PTAR1: variants seen among roughly 807,000 people sequenced by gnomAD.
PTAR1 encodes protein prenyltransferase alpha subunit repeat-containing protein 1.
In PTAR1, 17 loss-of-function variants were observed where a neutral mutation model predicts 45.5. That is an observed-to-expected ratio of 0.37 (90% CI 0.26 to 0.56). The LOEUF is 0.56. Among genes scored for constraint, PTAR1 ranks in the 20% least tolerant of loss-of-function variants. The pLI is 0.77. For missense variants in PTAR1, 391 were observed against 476.3 expected, an observed-to-expected ratio of 0.82 and a Z score of 1.67; for synonymous variants, 169 against 171.3, an observed-to-expected ratio of 0.99 and a Z score of 0.11.
intron 2 of PTAR1, among the ~76,000 whole-genome samples, chr9:69,747,923 C>T (rs1326577475): frequency 2.6e-5 from 4 of 152,092 alleles, no homozygotes; most frequent in Non-Finnish European, 5.9e-5. Flanking sequence ...TAAGGAGTTT[C>T]GACTCTACGT....
intron 6 of PTAR1, among the ~76,000 whole-genome samples, chr9:69,722,546 T>A (rs1029885555): frequency 6.6e-6 from 1 of 151,954 alleles, no homozygotes; most frequent in African/African-American, 2.4e-5. Flanking sequence ...TTGCAGACCA[T>A]CAGGGTTGGA....
At chr9:69,730,006 T>C (rs1246274685) in intron 5 of PTAR1, among the ~76,000 whole-genome samples, 3 of 152,192 alleles carry the variant, frequency 2.0e-5, no homozygotes, top group East Asian at 1.9e-4. Flanking sequence ...TCATTTCATA[T>C]ATATTTTTAA....
chr9:69,733,554 C>T (rs75727624), intron 4 of PTAR1, among the ~76,000 whole-genome samples: 10,822 of 152,122 alleles, frequency 0.071, 520 homozygotes, highest in Non-Finnish European at 0.1. Flanking sequence ...TTTTGAGAGT[C>T]CTAAAGTGCA....
At chr9:69,727,899 C>A (rs1278244625) in intron 5 of PTAR1, among the ~76,000 whole-genome samples, 1 of 152,062 alleles carries the variant, frequency 6.6e-6, no homozygotes, top group East Asian at 1.9e-4. Flanking sequence ...AATTGTGCAA[C>A]CATTGCTCTT....
Position 69,739,322 on chromosome 9 carries a change from T to C in PTAR1, c.323+2470A>G, listed in dbSNP as rs540431379. Among the ~76,000 whole-genome samples the C allele has an allele frequency of 2.8e-4, 43 of 151,362 alleles. No individual in the cohort carries two copies. The South Asian group carries it at 4.8e-3, about 17-fold the overall frequency. ...AGGTGTTTTGCTTACTCTAAGTACA[T>C]AGACTGATGAAGAAAATAGGACATT... On this transcript the variant is annotated intron_variant, in intron 3 of 7. Coordinates refer to ENST00000340434, the MANE Select transcript of PTAR1 (RefSeq NM_001099666.2).
At position 69,715,069 on chromosome 9, in the gene PTAR1, A is replaced by T. The variant is rs1187267822; in HGVS notation, c.*3273T>A. 1 of 152,074 alleles carries T rather than the reference A, an allele frequency of 6.6e-6. No homozygotes were observed. Among genetic ancestry groups the T allele is most frequent in the Non-Finnish European group, 1.5e-5 (1 of 67,968 alleles). 9.4% of individuals were successfully genotyped at this position (152,074 alleles called of 1,614,324 possible). A position where few individuals can be genotyped will look rare whatever the true frequency, so the allele number is the denominator to read the frequency against. ...CCTCTAGTATCACAAATGAACAGAA[A>T]GTGGTGTTCTTAATGCAAGTGGGTT... On this transcript the variant is annotated 3_prime_UTR_variant, in exon 8 of 8. Transcript: ENST00000340434.
At chr9:69,740,885 CAA>C (rs1228661900) in intron 3 of PTAR1, among the ~76,000 whole-genome samples, 2 of 151,992 alleles carry the variant, frequency 1.3e-5, no homozygotes, top group African/African-American at 4.8e-5. Context: ...TCAATATATC[CAA>C]AATATAATAA....
chr9:69,718,318 C>A lies in PTAR1; in HGVS notation c.*24G>T, dbSNP rs780613226. 4.6e-6 allele frequency: 7 copies of A among 1,522,752 alleles called. No homozygotes were observed. The highest frequency in any genetic ancestry group is 5.3e-6 in the Non-Finnish European group (6 of 1,121,740). 94.3% of individuals were successfully genotyped at this position (1,522,752 alleles called of 1,614,324 possible). Reference sequence around the variant, plus strand: ...AAGCAATATTGCACTAAAAGGGGAACCTTGTAGGACTAATTCACCTCTTTC... The same window carrying A: ...AAGCAATATTGCACTAAAAGGGGAAACTTGTAGGACTAATTCACCTCTTTC... On this transcript the variant is annotated 3_prime_UTR_variant, in exon 8 of 8. Transcript: ENST00000340434.
chr9:69,737,091 T>A (rs539630535), intron 3 of PTAR1, among the ~76,000 whole-genome samples: 8 of 134,122 alleles, frequency 6.0e-5, no homozygotes, highest in South Asian at 4.8e-4. Flanking sequence ...TGCTATATAT[T>A]TTTTTTTAGA....
chr9:69,740,584 C>T (rs1412552223), intron 3 of PTAR1, among the ~76,000 whole-genome samples: 1 of 151,216 alleles, frequency 6.6e-6, no homozygotes, highest in Non-Finnish European at 1.5e-5. Flanking sequence ...ATTTGATTTC[C>T]GTGCCCAATT....
At position 69,716,422 on chromosome 9, in the gene PTAR1, T is replaced by G. The variant is rs150606948; in HGVS notation, c.*1920A>C. The G allele has an allele frequency of 2.0e-5, 3 of 152,226 alleles. No homozygotes were observed. The highest frequency in any genetic ancestry group is 7.2e-5 in the African/African-American group (3 of 41,530). The allele number at this position is 152,226 out of a possible 1,614,324, so 9.4% of individuals were successfully genotyped here. A position where few individuals can be genotyped will look rare whatever the true frequency, so the allele number is the denominator to read the frequency against. On this transcript the variant is annotated 3_prime_UTR_variant, in exon 8 of 8. Transcript: ENST00000340434. ...AATATAAAAGCTATAAAAAGGTAAT[T>G]TTTTACTTGAGAGAAGAACAAATTC... is the stretch of plus-strand genomic sequence containing the variant.
chr9:69,726,123 A>G (rs1269896698), intron 5 of PTAR1, among the ~76,000 whole-genome samples: 2 of 152,146 alleles, frequency 1.3e-5, no homozygotes, highest in African/African-American at 2.4e-5. Context: ...ATCAATATAG[A>G]AAATTCCAAT....
Position 69,759,981 on chromosome 9 carries a change from C to G in PTAR1, c.-43G>C. Reference sequence around the variant, plus strand: ...CAGTTCGGGCGCGCCTCCGCGTGAGCCGGGCCGCCGGCGGGAGTTCCGCGG... The same window carrying G: ...CAGTTCGGGCGCGCCTCCGCGTGAGGCGGGCCGCCGGCGGGAGTTCCGCGG... On this transcript the variant is annotated 5_prime_UTR_variant, in exon 1 of 8. Coordinates refer to ENST00000340434, the MANE Select transcript of PTAR1 (RefSeq NM_001099666.2). 1 of 1,413,350 alleles carries G rather than the reference C, an allele frequency of 7.1e-7. No individual in the cohort carries two copies. Among genetic ancestry groups the G allele is most frequent in the Non-Finnish European group, 9.3e-7 (1 of 1,073,098 alleles). 87.6% of individuals were successfully genotyped at this position (1,413,350 alleles called of 1,614,324 possible). A position where few individuals can be genotyped will look rare whatever the true frequency, so the allele number is the denominator to read the frequency against.
chr9:69,747,452 C>CA (rs1213158342), intron 2 of PTAR1, among the ~76,000 whole-genome samples: 1 of 152,138 alleles, frequency 6.6e-6, no homozygotes, highest in Admixed American at 6.6e-5. Context: ...CACACAGAGT[C>CA]AAAGAATGGA....
intron 6 of PTAR1, among the ~76,000 whole-genome samples, chr9:69,720,866 G>A (rs777329284): frequency 3.9e-5 from 6 of 152,110 alleles, no homozygotes; most frequent in Non-Finnish European, 8.8e-5. Flanking sequence ...GAGACCTGCT[G>A]CTCAGAAAAA....
chr9:69,722,737 G>A (rs914536069), intron 6 of PTAR1, among the ~76,000 whole-genome samples: 1 of 151,602 alleles, frequency 6.6e-6, no homozygotes, highest in Non-Finnish European at 1.5e-5. Context: ...TCAGGAGTTC[G>A]AGACCAGCCT....
chr9:69,754,707 A>AATAT (rs1311994979), intron 1 of PTAR1, among the ~76,000 whole-genome samples: 6 of 61,954 alleles, frequency 9.7e-5, no homozygotes, highest in African/African-American at 2.4e-4. Context: ...ATGCCCAGCT[A>AATAT]ATATATATAT....
At chr9:69,725,162 A>T (rs796848499) in intron 5 of PTAR1, among the ~76,000 whole-genome samples, 5 of 152,322 alleles carry the variant, frequency 3.3e-5, no homozygotes, top group African/African-American at 1.2e-4. Context: ...CTTAACATGG[A>T]TTGAAAAGAG....
intron 1 of PTAR1, among the ~76,000 whole-genome samples, chr9:69,751,618 T>C (rs554326734): frequency 2.2e-4 from 33 of 152,094 alleles, no homozygotes; most frequent in Non-Finnish European, 4.0e-4. Flanking sequence ...CTAATAATTG[T>C]ATGTATTTCT....
Sources: gnomAD v4.1 joint callset for allele counts (sites outside exome capture counted in the v4.1 genomes callset) on GRCh38, gnomAD v4.1.1 for gene constraint, MANE v1.5 for transcripts, NCBI Gene and HGNC (gene_info 2026-07-23, HGNC 2026-07-21) for gene names.